BLNK: variants seen among roughly 807,000 people sequenced by gnomAD.
BLNK encodes the protein B cell linker.
BLNK carries 29 observed loss-of-function variants against 73.5 expected under a neutral mutation model. The ratio of observed to expected loss-of-function variants is 0.39; its 90% CI spans 0.29 to 0.54. BLNK has a LOEUF of 0.54. BLNK is among the 20% of genes least tolerant of loss of function. The pLI, the probability that BLNK is intolerant of heterozygous loss-of-function variation, is 0.61. For synonymous variants in BLNK, 176 were observed against 200.8 expected, an observed-to-expected ratio of 0.88 and a Z score of 1.04; for missense variants, 460 against 562.8, an observed-to-expected ratio of 0.82 and a Z score of 1.85.
intron 3 of BLNK, among the ~76,000 whole-genome samples, chr10:96,239,704 G>A (rs1842822811): frequency 6.6e-6 from 1 of 152,124 alleles, no homozygotes; most frequent in Non-Finnish European, 1.5e-5. Context: ...TAGAAGGTGA[G>A]GGAAAAGGAG....
At chr10:96,256,279 G>T (rs1318202992) in intron 1 of BLNK, among the ~76,000 whole-genome samples, 27 of 152,222 alleles carry the variant, frequency 1.8e-4, no homozygotes, top group African/African-American at 6.3e-4. Context: ...AGAAATCTCT[G>T]TAATGTTTTC....
At chr10:96,215,541 A>G in intron 7 of BLNK, 152 bp from the exon 8 acceptor site, 1 of 611,208 alleles carries the variant, frequency 1.6e-6, no homozygotes, top group Non-Finnish European at 2.8e-6. Context: ...TTAGACACAC[A>G]AACCAATAAA....
At chr10:96,214,243 C>T (rs1316413207) in intron 8 of BLNK, among the ~76,000 whole-genome samples, 2 of 152,186 alleles carry the variant, frequency 1.3e-5, no homozygotes, top group Admixed American at 6.5e-5. Context: ...CAGGCTCCTA[C>T]ACCTCTCTGT....
At chr10:96,222,666 G>C (rs1554901423) in intron 6 of BLNK, among the ~76,000 whole-genome samples, 1 of 152,126 alleles carries the variant, frequency 6.6e-6, no homozygotes, top group South Asian at 2.1e-4. Context: ...TGAGAAGCAA[G>C]AGCTGTCAAA....
chr10:96,213,351 A>C (rs1554899089), intron 8 of BLNK, among the ~76,000 whole-genome samples: 1 of 151,678 alleles, frequency 6.6e-6, no homozygotes, highest in Non-Finnish European at 1.5e-5. Context: ...CTTGCAATGT[A>C]CTTAGGAAGC....
At position 96,258,922 on chromosome 10, in the gene BLNK, G is replaced by A. The variant is rs555265048; in HGVS notation, c.48-11873C>T. Among the ~76,000 whole-genome samples, 11 of 152,290 alleles carry A rather than the reference G, an allele frequency of 7.2e-5. No individual in the cohort carries two copies. The South Asian group carries it at 2.3e-3, about 32-fold the overall frequency. ...CCATTTTTAAGTATCCAGTTCAATA[G>A]CATTAATATATTCACATAGTTGTAG... On this transcript the variant is annotated intron_variant, in intron 1 of 16. Transcript: ENST00000224337.
chr10:96,236,509 G>A (rs1842696462), intron 3 of BLNK, among the ~76,000 whole-genome samples: 1 of 152,174 alleles, frequency 6.6e-6, no homozygotes, highest in South Asian at 2.1e-4. Context: ...GCTGAGAGAG[G>A]TGTTCTGAGT....
chr10:96,208,652 G>A (rs2083878586), intron 9 of BLNK, among the ~76,000 whole-genome samples: 1 of 152,156 alleles, frequency 6.6e-6, no homozygotes, highest in South Asian at 2.1e-4. Flanking sequence ...TTTTCTGTGT[G>A]TTAAATTTCT....
chr10:96,255,382 A>C (rs1843466166), intron 1 of BLNK, among the ~76,000 whole-genome samples: 1 of 152,224 alleles, frequency 6.6e-6, no homozygotes, highest in Non-Finnish European at 1.5e-5. Context: ...TATTATCTGT[A>C]AGAAGTACTT....
At chr10:96,235,485 A>T (rs2134058661) in intron 3 of BLNK, among the ~76,000 whole-genome samples, 1 of 152,348 alleles carries the variant, frequency 6.6e-6, no homozygotes, top group Non-Finnish European at 1.5e-5. Flanking sequence ...AAAGGACCTC[A>T]GAGTCCAAGG....
chr10:96,232,668 A>T (rs114649907), intron 3 of BLNK, among the ~76,000 whole-genome samples: 1 of 152,182 alleles, frequency 6.6e-6, no homozygotes, highest in Admixed American at 6.5e-5. Context: ...GAATTCTTAC[A>T]TTATTCTTTG....
chr10:96,204,536 G>A lies in BLNK; in HGVS notation c.898C>T (p.Gln300Ter). ...TTTAAAGGAAAGGATTCTTACTTCT[G>A]GGCAGGAGGAAACACTGGTGACTGC... ...AVQSPVFPPAQKQIHQKPIPL... is the reference protein window; with the variant it reads ...AVQSPVFPPA Residue 300 changes from glutamine (Q) to a stop codon, truncating the protein, a stop_gained, in exon 12 of 17, where the codon CAG becomes TAG. Coordinates refer to ENST00000224337, the MANE Select transcript of BLNK (RefSeq NM_013314.4). LOFTEE classifies it high-confidence loss of function. 6.2e-7 allele frequency: 1 copy of A among 1,613,878 alleles called. No homozygotes were observed. The highest frequency in any genetic ancestry group is 8.5e-7 in the Non-Finnish European group (1 of 1,179,836).
chr10:96,197,167 G>C (rs1019427725), intron 15 of BLNK, 104 bp from the exon 16 acceptor site: 2 of 837,474 alleles, frequency 2.4e-6, no homozygotes, highest in African/African-American at 3.5e-5. Flanking sequence ...CATTCCAAAG[G>C]TAAATTATTT....
At chr10:96,193,867 C>T (rs1485933614) in intron 16 of BLNK, among the ~76,000 whole-genome samples, 1 of 152,194 alleles carries the variant, frequency 6.6e-6, no homozygotes, top group Non-Finnish European at 1.5e-5. Flanking sequence ...ACATGATTGA[C>T]ATCATGTAAC....
chr10:96,226,733 C>T (rs1554902564), intron 5 of BLNK, among the ~76,000 whole-genome samples: 1 of 151,788 alleles, frequency 6.6e-6, no homozygotes, highest in African/African-American at 2.4e-5. Flanking sequence ...CCCAGCTACT[C>T]GGGAGGCTGA....
intron 8 of BLNK, among the ~76,000 whole-genome samples, chr10:96,212,887 C>G (rs1377673586): frequency 6.6e-6 from 1 of 152,228 alleles, no homozygotes; most frequent in African/African-American, 2.4e-5. Context: ...GAAACCCACT[C>G]GGACTGTTTA....
At chr10:96,227,367 T>A (rs782401562) in intron 5 of BLNK, 43 bp downstream of exon 5, 2 of 1,604,938 alleles carry the variant, frequency 1.2e-6, no homozygotes, top group Non-Finnish European at 1.7e-6. Context: ...CACCTCCCCA[T>A]GGGCCTGGAA....
Position 96,196,941 on chromosome 10 carries a change from T to C in BLNK, c.1218A>G (p.Gln406=), listed in dbSNP as rs1554894823. The change falls in exon 16 of 17, where the codon CAA becomes CAG. Residue 406 remains glutamine, a synonymous_variant. Coordinates refer to ENST00000224337, the MANE Select transcript of BLNK (RefSeq NM_013314.4). ...IPVRFIEATK[Q]YALGRKKNGE... The stretch of plus-strand genomic sequence containing the variant: ...CATTTTTCTTTCTGCCCAAGGCATA[T>C]TGTTTTGTTGCTTCAATAAATCGCA... 2.5e-6 allele frequency: 4 copies of C among 1,613,572 alleles called. No individual in the cohort carries two copies. Among genetic ancestry groups the C allele is most frequent in the South Asian group, 1.1e-5 (1 of 91,074 alleles).
chr10:96,234,374 A>G (rs1293004785), intron 3 of BLNK, among the ~76,000 whole-genome samples: 1 of 152,206 alleles, frequency 6.6e-6, no homozygotes, highest in Non-Finnish European at 1.5e-5. Flanking sequence ...CTTGCAGGCA[A>G]TTGCCAAGAC....
Sources: gnomAD v4.1 joint callset for allele counts (sites outside exome capture counted in the v4.1 genomes callset) on GRCh38, gnomAD v4.1.1 for gene constraint, MANE v1.5 for transcripts, NCBI Gene and HGNC (gene_info 2026-07-23, HGNC 2026-07-21) for gene names.